The following HERC3 variants were observed in gnomAD, a reference collection of about 807,000 sequenced individuals.
HERC3 encodes the protein HECT and RLD domain containing E3 ubiquitin protein ligase 3.
In HERC3, 58 loss-of-function variants were observed where a neutral mutation model predicts 129.9. That is an observed-to-expected ratio of 0.45 (90% CI 0.36 to 0.56). The LOEUF is 0.56. HERC3 is among the 20% of genes least tolerant of loss of function. The probability of loss-of-function intolerance (pLI) is 0.00; values close to 1 mark genes in which losing one functional copy is unlikely to be tolerated. For synonymous variants in HERC3, 430 were observed against 451.0 expected (o/e 0.95, Z 0.59); for missense variants, 835 against 1,244.2 (o/e 0.67, Z 4.95).
At chr4:88,642,130 CAAAAAAAAAAAAAA>C (rs200464130) in intron 3 of HERC3, among the ~76,000 whole-genome samples, 1 of 77,032 alleles carries the variant, frequency 1.3e-5, no homozygotes, top group Non-Finnish European at 2.8e-5. Context: ...GACTCTGTCT[CAAAAAAAAAAAAAA>C]AAAAAAAAGG....
At chr4:88,697,374 C>T in intron 23 of HERC3, 2 of 1,614,132 alleles carry the variant, frequency 1.2e-6, no homozygotes, top group African/African-American at 1.3e-5. Context: ...CACACCCCTC[C>T]ATCTCGCCGG....
intron 23 of HERC3, chr4:88,692,876 A>G (rs1453330046): frequency 1.0e-6 from 1 of 985,092 alleles, no homozygotes; most frequent in Non-Finnish European, 1.2e-6. Context: ...GGGGCTCAAG[A>G]GTTCCCATCC....
chr4:88,560,079 C>T, the HERC3 span, among the ~76,000 whole-genome samples: 2 of 151,892 alleles, frequency 1.3e-5, no homozygotes, highest in African/African-American at 4.8e-5. Flanking sequence ...CCTGCCTCAG[C>T]CTCCCAAGTA....
chr4:88,580,192 G>C, the HERC3 span, among the ~76,000 whole-genome samples: 1 of 152,158 alleles, frequency 6.6e-6, no homozygotes, highest in East Asian at 1.9e-4. Flanking sequence ...AAGGATCCAG[G>C]TAATTTCAAG....
intron 3 of HERC3, among the ~76,000 whole-genome samples, chr4:88,643,573 T>C (rs954763827): frequency 6.6e-6 from 1 of 152,200 alleles, no homozygotes; most frequent in Non-Finnish European, 1.5e-5. Context: ...CCCAGAAATA[T>C]ATCCACACAA....
the HERC3 span, among the ~76,000 whole-genome samples, chr4:88,567,291 T>C: frequency 2.0e-5 from 3 of 152,218 alleles, no homozygotes; most frequent in East Asian, 5.8e-4. Context: ...TTAAATCTGC[T>C]TGGTTTTCTA....
At chr4:88,585,038 G>A in the HERC3 span, among the ~76,000 whole-genome samples, 47 of 152,274 alleles carry the variant, frequency 3.1e-4, no homozygotes, top group Non-Finnish European at 5.9e-4. Context: ...CAAGATCAAG[G>A]CACCAGCAGA....
chr4:88,685,451 C>A (rs1733322806), intron 21 of HERC3, among the ~76,000 whole-genome samples: 1 of 152,150 alleles, frequency 6.6e-6, no homozygotes. Flanking sequence ...TTTGCAGGGA[C>A]ATGGATGAAG....
At chr4:88,607,782 T>A (rs1171187180) in intron 3 of HERC3, among the ~76,000 whole-genome samples, 2 of 152,206 alleles carry the variant, frequency 1.3e-5, no homozygotes, top group Admixed American at 6.5e-5. Context: ...TTTTTACTTT[T>A]AAAGAATCTA....
chr4:88,620,160 G>A (rs1214909962), intron 3 of HERC3, among the ~76,000 whole-genome samples: 1 of 152,174 alleles, frequency 6.6e-6, no homozygotes, highest in Admixed American at 6.5e-5. Context: ...AACAGAAATA[G>A]CTTACTCATC....
intron 3 of HERC3, among the ~76,000 whole-genome samples, chr4:88,640,054 G>A (rs1224601606): frequency 6.6e-6 from 1 of 152,134 alleles, no homozygotes; most frequent in Non-Finnish European, 1.5e-5. Flanking sequence ...TCAGAATGGC[G>A]ATTATTAAAA....
At chr4:88,609,866 G>T (rs1333336687) in intron 3 of HERC3, among the ~76,000 whole-genome samples, 2 of 152,212 alleles carry the variant, frequency 1.3e-5, no homozygotes, top group African/African-American at 4.8e-5. Flanking sequence ...GAGCCCTGAA[G>T]TCTGCTGATT....
At chr4:88,698,973 T>TC (rs60591310) in intron 23 of HERC3, among the ~76,000 whole-genome samples, 21,037 of 62,082 alleles carry the variant, frequency 0.34, 6,693 homozygotes, top group African/African-American at 0.75. Flanking sequence ...TTCCTCACCT[T>TC]CCCCCCACCG....
chr4:88,682,764 A>G (rs996807215), intron 21 of HERC3, among the ~76,000 whole-genome samples: 2 of 152,086 alleles, frequency 1.3e-5, no homozygotes, highest in Non-Finnish European at 2.9e-5. Context: ...GCTATTGTGA[A>G]TAGTGCCGCA....
At chr4:88,592,934 G>A (rs1434881561) in intron 1 of HERC3, among the ~76,000 whole-genome samples, 1 of 152,192 alleles carries the variant, frequency 6.6e-6, no homozygotes, top group Admixed American at 6.5e-5. Context: ...GAGGAATTGC[G>A]ACGCAGAAAG....
intron 9 of HERC3, chr4:88,657,254 C>T (rs1730005917): frequency 6.6e-6 from 1 of 152,158 alleles, no homozygotes; most frequent in Non-Finnish European, 1.5e-5. Flanking sequence ...TTATAAGAAA[C>T]TCAAGGACAC....
Position 88,693,566 on chromosome 4 carries a change from C to G in HERC3, c.2657+6267C>G, listed in dbSNP as rs1009850593. ...TGAATTAACTAGAAGGTGGTGGTTG[C>G]ACAGCATTATGAATGTACAAAACGC... On this transcript the variant is annotated intron_variant, in intron 23 of 25. Transcript: ENST00000402738. The G allele has an allele frequency of 6.3e-6, 6 of 945,800 alleles. No individual in the cohort carries two copies. In the African/African-American group the frequency reaches 1.1e-4, roughly 17 times the overall value. The allele number at this position is 945,800 out of a possible 1,614,324, so 58.6% of individuals were successfully genotyped here.
At chr4:88,697,651 C>T (rs768813024) in intron 23 of HERC3, 2 of 1,613,440 alleles carry the variant, frequency 1.2e-6, no homozygotes, top group East Asian at 2.2e-5. Flanking sequence ...GTCACAGTCT[C>T]CACCCTGCGC....
chr4:88,530,811 C>G, the HERC3 span, among the ~76,000 whole-genome samples: 1 of 152,086 alleles, frequency 6.6e-6, no homozygotes, highest in Admixed American at 6.6e-5. Context: ...AAAAGTTCAA[C>G]ATAATTAAGA....
Sources: gnomAD v4.1 joint callset for allele counts (sites outside exome capture counted in the v4.1 genomes callset) on GRCh38, gnomAD v4.1.1 for gene constraint, MANE v1.5 for transcripts, NCBI Gene and HGNC (gene_info 2026-07-23, HGNC 2026-07-21) for gene names.